ALK: variants seen among roughly 807,000 people sequenced by gnomAD.
ALK encodes the protein ALK tyrosine kinase receptor.
Under a neutral mutation model 163.1 loss-of-function variants are expected in ALK, and 74 were observed. The observed-to-expected ratio is 0.45, with a 90% CI of 0.38 to 0.55. The LOEUF is 0.55. Ranked by LOEUF, ALK falls within the 20% of genes least tolerant of loss-of-function variation. ALK has a pLI of 0.00. For missense variants in ALK, 2,063 were observed against 2,105.3 expected (o/e 0.98, Z 0.39); for synonymous variants, 960 against 843.2 (o/e 1.14, Z -2.40).
At chr2:29,766,026 C>T (rs896634930) in intron 1 of ALK, among the ~76,000 whole-genome samples, 2 of 152,290 alleles carry the variant, frequency 1.3e-5, no homozygotes, top group Non-Finnish European at 2.9e-5. Flanking sequence ...CTTTGTAACA[C>T]ACTCTTTAAA....
intron 3 of ALK, among the ~76,000 whole-genome samples, chr2:29,689,960 G>T (rs957216709): frequency 2.0e-5 from 3 of 152,194 alleles, no homozygotes; most frequent in African/African-American, 7.2e-5. Flanking sequence ...TCTCTTCAGA[G>T]CCTCCGGGAG....
intron 3 of ALK, among the ~76,000 whole-genome samples, chr2:29,662,180 A>G (rs1573536303): frequency 6.6e-6 from 1 of 152,080 alleles, no homozygotes; most frequent in African/African-American, 2.4e-5. Flanking sequence ...CCAAAGTGCT[A>G]AGATTACAGG....
At chr2:29,669,939 T>C (rs1366067318) in intron 3 of ALK, among the ~76,000 whole-genome samples, 3 of 152,112 alleles carry the variant, frequency 2.0e-5, no homozygotes, top group Non-Finnish European at 2.9e-5. Flanking sequence ...ATTTTAGTTG[T>C]CTCAATTTAC....
chr2:29,862,784 T>C (rs1480932016), intron 1 of ALK, among the ~76,000 whole-genome samples: 1 of 150,326 alleles, frequency 6.7e-6, no homozygotes, highest in Non-Finnish European at 1.5e-5. Flanking sequence ...AAAATTCATA[T>C]AGAACCAGAA....
At position 29,452,333 on chromosome 2, in the gene ALK, T is replaced by C. The variant is rs201670382; in HGVS notation, c.1155-68474A>G. Among the ~76,000 whole-genome samples, 14 of 16,220 alleles carry C rather than the reference T, an allele frequency of 8.6e-4. No individual in the cohort carries two copies. The East Asian group carries it at 0.34, about 396-fold the overall frequency. 10.6% of individuals were successfully genotyped at this position (16,220 alleles called of 152,430 possible). A position where few individuals can be genotyped will look rare whatever the true frequency, so the allele number is the denominator to read the frequency against. ...TTAGATCTCACTCAAGTTTTTTTTG[T>C]TTTTTTTTTTTTTTTTTTCTTCATT... On this transcript the variant is annotated intron_variant, in intron 4 of 28. Transcript: ENST00000389048.
intron 1 of ALK, among the ~76,000 whole-genome samples, chr2:29,800,755 A>G (rs1040848759): frequency 2.0e-5 from 3 of 152,186 alleles, no homozygotes; most frequent in African/African-American, 7.2e-5. Flanking sequence ...CACCCATCCA[A>G]CCACCAAGGT....
Position 29,342,617 on chromosome 2 carries a change from G to A in ALK, c.1283-14136C>T, listed in dbSNP as rs1184809626. On this transcript the variant is annotated intron_variant, in intron 5 of 28. Transcript: ENST00000389048. Reference sequence around the variant, plus strand: ...TATATTTTAGAGCAATTTGAAAGATGACTGATTATCCTGGCCTTGAAAATA... The same window carrying A: ...TATATTTTAGAGCAATTTGAAAGATAACTGATTATCCTGGCCTTGAAAATA... Among the ~76,000 whole-genome samples the A allele has an allele frequency of 3.3e-5, 5 of 152,328 alleles. No homozygotes were observed. In the South Asian group the frequency reaches 1.0e-3, roughly 32 times the overall value.
intron 1 of ALK, among the ~76,000 whole-genome samples, chr2:29,806,244 G>A (rs902157800): frequency 5.9e-5 from 9 of 152,168 alleles, no homozygotes; most frequent in African/African-American, 9.7e-5. Flanking sequence ...CGGTGTGCGT[G>A]TGTGCATTGG....
intron 2 of ALK, among the ~76,000 whole-genome samples, chr2:29,712,617 ATT>A (rs370966988): frequency 0.017 from 2,450 of 147,712 alleles, 64 homozygotes; most frequent in African/African-American, 0.056. Context: ...TGTTAGGCTG[ATT>A]TTTTTTTTTT....
At chr2:29,306,858 C>T (rs115584367) in intron 8 of ALK, among the ~76,000 whole-genome samples, 4,395 of 152,290 alleles carry the variant, frequency 0.029, 105 homozygotes, top group Middle Eastern at 0.058. Flanking sequence ...GCAAATGAGA[C>T]AAGTGAGTAG....
intron 4 of ALK, among the ~76,000 whole-genome samples, chr2:29,404,670 T>A (rs1247051518): frequency 1.3e-5 from 2 of 152,238 alleles, no homozygotes; most frequent in Non-Finnish European, 2.9e-5. Flanking sequence ...CCAGGCATTG[T>A]AGTAAGTACT....
chr2:29,622,097 C>G (rs146536868), intron 3 of ALK, among the ~76,000 whole-genome samples: 1 of 152,142 alleles, frequency 6.6e-6, no homozygotes, highest in Non-Finnish European at 1.5e-5. Flanking sequence ...AACACCCATA[C>G]CGCTAAATTA....
intron 1 of ALK, among the ~76,000 whole-genome samples, chr2:29,734,716 C>T (rs926605841): frequency 1.3e-5 from 2 of 151,924 alleles, no homozygotes; most frequent in Non-Finnish European, 2.9e-5. Flanking sequence ...AAAAAAATCT[C>T]AATTCCAACA....
At chr2:29,633,139 A>C (rs1676426181) in intron 3 of ALK, among the ~76,000 whole-genome samples, 1 of 147,126 alleles carries the variant, frequency 6.8e-6, no homozygotes, top group Non-Finnish European at 1.5e-5. Context: ...GACATCTTAC[A>C]CTTTGGGCTG....
At chr2:29,595,547 C>T (rs1209742013) in intron 3 of ALK, among the ~76,000 whole-genome samples, 3 of 152,080 alleles carry the variant, frequency 2.0e-5, no homozygotes, top group Non-Finnish European at 2.9e-5. Context: ...GTCTCGATTT[C>T]CTGACCTCAT....
intron 1 of ALK, among the ~76,000 whole-genome samples, chr2:29,751,004 A>C (rs1401991209): frequency 6.6e-6 from 1 of 152,164 alleles, no homozygotes; most frequent in Non-Finnish European, 1.5e-5. Flanking sequence ...CAGGAGGCAG[A>C]GGTTGCAGTA....
intron 1 of ALK, among the ~76,000 whole-genome samples, chr2:29,732,935 G>A (rs1372054603): frequency 6.6e-6 from 1 of 151,724 alleles, no homozygotes; most frequent in Non-Finnish European, 1.5e-5. Context: ...AATAGACTAA[G>A]GGAGACCCCA....
intron 2 of ALK, among the ~76,000 whole-genome samples, chr2:29,702,846 G>A (rs1433533389): frequency 4.6e-5 from 7 of 152,216 alleles, no homozygotes; most frequent in East Asian, 1.9e-4. Flanking sequence ...CTGCCCCCAC[G>A]ATTCAATTAC....
chr2:29,680,585 T>C (rs923237295), intron 3 of ALK, among the ~76,000 whole-genome samples: 1 of 152,162 alleles, frequency 6.6e-6, no homozygotes, highest in Non-Finnish European at 1.5e-5. Flanking sequence ...TTATTATTGC[T>C]CATTGTTGTC....
Sources: allele counts gnomAD v4.1 joint callset (sites outside exome capture counted in the v4.1 genomes callset), GRCh38; gene constraint gnomAD v4.1.1; transcripts MANE v1.5; gene names NCBI Gene and HGNC (gene_info 2026-07-23, HGNC 2026-07-21).